The following GFRA1 variants were observed in gnomAD, a reference collection of about 807,000 sequenced individuals.
The protein encoded by GFRA1 is GDNF family receptor alpha 1, also known as GDNF family receptor alpha-1.
In GFRA1, 16 loss-of-function variants were observed where a neutral mutation model predicts 51.6. The observed-to-expected ratio is 0.31, with a 90% CI of 0.21 to 0.47. The LOEUF is 0.47. Ranked by LOEUF, GFRA1 falls within the 20% of genes least tolerant of loss-of-function variation. The probability of loss-of-function intolerance (pLI) is 1.00; values close to 1 mark genes in which losing one functional copy is unlikely to be tolerated. For missense variants in GFRA1, 530 were observed against 594.3 expected, an observed-to-expected ratio of 0.89 and a Z score of 1.13; for synonymous variants, 270 against 241.3, an observed-to-expected ratio of 1.12 and a Z score of -1.10.
chr10:116,233,677 A>C (rs1966820769), intron 4 of GFRA1, among the ~76,000 whole-genome samples: 1 of 152,192 alleles, frequency 6.6e-6, no homozygotes, highest in Non-Finnish European at 1.5e-5. Flanking sequence ...GCTGTGACTC[A>C]TCAGGTGCTC....
intron 4 of GFRA1, among the ~76,000 whole-genome samples, chr10:116,218,987 CT>C (rs1276560640): frequency 6.6e-6 from 1 of 151,664 alleles, no homozygotes; most frequent in Non-Finnish European, 1.5e-5. Flanking sequence ...CACTAAATGT[CT>C]TTTATTTGTG....
chr10:116,087,134 T>C (rs1956134106), intron 9 of GFRA1, among the ~76,000 whole-genome samples: 1 of 152,246 alleles, frequency 6.6e-6, no homozygotes, highest in South Asian at 2.1e-4. Flanking sequence ...AGAGCGCCTG[T>C]GTTCCCTGAT....
At chr10:116,165,151 C>G (rs569424109) in intron 5 of GFRA1, among the ~76,000 whole-genome samples, 1 of 152,272 alleles carries the variant, frequency 6.6e-6, no homozygotes, top group South Asian at 2.1e-4. Context: ...TCAAGCAGAG[C>G]CTCAGTGTCT....
At chr10:116,261,908 C>T (rs1351753197) in intron 4 of GFRA1, among the ~76,000 whole-genome samples, 2 of 152,138 alleles carry the variant, frequency 1.3e-5, no homozygotes, top group Non-Finnish European at 2.9e-5. Context: ...GGCCCAAGGT[C>T]ACCCAGCTAG....
At chr10:116,143,442 C>T (rs1475538731) in intron 5 of GFRA1, among the ~76,000 whole-genome samples, 3 of 152,074 alleles carry the variant, frequency 2.0e-5, no homozygotes, top group African/African-American at 7.2e-5. Flanking sequence ...ACCCTAACCT[C>T]CAGGCAGTCT....
intron 4 of GFRA1, among the ~76,000 whole-genome samples, chr10:116,225,549 A>G (rs1421335587): frequency 6.7e-6 from 1 of 149,996 alleles, no homozygotes; most frequent in African/African-American, 2.4e-5. Flanking sequence ...AAAAAAAAAA[A>G]AAAAAAAAAA....
chr10:116,243,137 T>TTC (rs1292055486), intron 4 of GFRA1, among the ~76,000 whole-genome samples: 1 of 152,360 alleles, frequency 6.6e-6, no homozygotes, highest in Admixed American at 6.5e-5. Flanking sequence ...TTTGAATATA[T>TTC]TCTCCAGCTA....
At position 116,064,333 on chromosome 10, in the gene GFRA1, G is replaced by A; in HGVS notation, c.*65C>T. 1 of 1,412,052 alleles carries A rather than the reference G, an allele frequency of 7.1e-7. No homozygotes were observed. Among genetic ancestry groups the A allele is most frequent in the Non-Finnish European group, 9.9e-7 (1 of 1,006,050 alleles). 87.5% of individuals were successfully genotyped at this position (1,412,052 alleles called of 1,614,324 possible). A position where few individuals can be genotyped will look rare whatever the true frequency, so the allele number is the denominator to read the frequency against. ...AAACTGGAATTTCAGCTATACAAGA[G>A]AACAGGAAACAGATAACTTGGTTTT... is the stretch of plus-strand genomic sequence containing the variant. On this transcript the variant is annotated 3_prime_UTR_variant, in exon 11 of 11. Transcript: ENST00000355422.
intron 4 of GFRA1, among the ~76,000 whole-genome samples, chr10:116,254,625 A>G (rs1438223013): frequency 6.6e-6 from 1 of 152,234 alleles, no homozygotes; most frequent in Non-Finnish European, 1.5e-5. Context: ...AACCAGAGCC[A>G]GCTTTCACTC....
intron 9 of GFRA1, among the ~76,000 whole-genome samples, chr10:116,075,183 CTAAG>C (rs1467174673): frequency 6.6e-6 from 1 of 152,032 alleles, no homozygotes; most frequent in African/African-American, 2.4e-5. Flanking sequence ...CATCCTCTCT[CTAAG>C]TCTTTCTCAT....
At chr10:116,117,678 G>T (rs2133992730) in intron 6 of GFRA1, among the ~76,000 whole-genome samples, 1 of 152,216 alleles carries the variant, frequency 6.6e-6, no homozygotes, top group East Asian at 1.9e-4. Context: ...GGGGATGGAA[G>T]TAGAGATAGA....
intron 6 of GFRA1, among the ~76,000 whole-genome samples, chr10:116,101,991 A>G (rs1382284970): frequency 1.3e-5 from 2 of 152,310 alleles, no homozygotes; most frequent in East Asian, 3.9e-4. Context: ...CCCATATTCC[A>G]TCCTACTGTT....
chr10:116,254,523 G>C (rs578178758), intron 4 of GFRA1, among the ~76,000 whole-genome samples: 2 of 150,610 alleles, frequency 1.3e-5, no homozygotes, highest in Non-Finnish European at 3.0e-5. Context: ...AAAAAAAGAA[G>C]AAGAAAAAAA....
intron 9 of GFRA1, among the ~76,000 whole-genome samples, chr10:116,069,484 T>C (rs1052730220): frequency 1.3e-5 from 2 of 152,128 alleles, no homozygotes; most frequent in Admixed American, 1.3e-4. Context: ...GGAAACCTGT[T>C]TTTTAGGCAC....
intron 6 of GFRA1, among the ~76,000 whole-genome samples, chr10:116,107,429 CT>C (rs35271973): frequency 1.3e-5 from 2 of 152,188 alleles, no homozygotes; most frequent in African/African-American, 4.8e-5. Flanking sequence ...AATTGATCCC[CT>C]TTTTTAAGGT....
intron 9 of GFRA1, among the ~76,000 whole-genome samples, chr10:116,072,983 C>A (rs375104871): frequency 6.6e-6 from 1 of 152,002 alleles, no homozygotes; most frequent in Non-Finnish European, 1.5e-5. Flanking sequence ...ATTCTTTGAT[C>A]GAGGCAAAAG....
Position 116,089,902 on chromosome 10 carries a change from C to G in GFRA1, c.1036G>C (p.Gly346Arg). 6.2e-7 allele frequency: 1 copy of G among 1,613,624 alleles called. No individual in the cohort carries two copies. Among genetic ancestry groups the G allele is most frequent in the Non-Finnish European group, 8.5e-7 (1 of 1,179,806 alleles). ...CACACGGTCACATCGGAGCCATTGC[C>G]AAAGGCTTGAATTGCATTTTCTGCA... Reference protein sequence around the residue: ...TCLKNAIQAFGNGSDVTVWQP... With the variant: ...TCLKNAIQAFRNGSDVTVWQP... The change falls in exon 9 of 11, where the codon GGC becomes CGC. Residue 346 changes from glycine to arginine, a missense_variant. By Grantham distance (125) the Gly-to-Arg change is moderately radical. Transcript: ENST00000355422.
chr10:116,103,316 C>T (rs1956887952), intron 6 of GFRA1, among the ~76,000 whole-genome samples: 1 of 152,206 alleles, frequency 6.6e-6, no homozygotes, highest in Non-Finnish European at 1.5e-5. Flanking sequence ...CTCCCCAATT[C>T]CTGGTTCATT....
intron 5 of GFRA1, among the ~76,000 whole-genome samples, chr10:116,168,144 A>ATTTTT (rs35559235): frequency 6.9e-6 from 1 of 145,264 alleles, no homozygotes. Flanking sequence ...AAACCAGGGA[A>ATTTTT]TTTTTTTTTT....
Sources: allele counts gnomAD v4.1 joint callset (sites outside exome capture counted in the v4.1 genomes callset), GRCh38; gene constraint gnomAD v4.1.1; transcripts MANE v1.5; gene names NCBI Gene and HGNC (gene_info 2026-07-23, HGNC 2026-07-21).